FBN2: variants seen among roughly 807,000 people sequenced by gnomAD.
FBN2 encodes fibrillin 2.
A neutral mutation model predicts 355.6 loss-of-function variants in FBN2; 105 were observed. The ratio of observed to expected loss-of-function variants is 0.30; its 90% CI spans 0.25 to 0.35. The LOEUF (loss-of-function observed/expected upper bound fraction) is 0.35. Ranked by LOEUF, FBN2 falls within the 10% of genes least tolerant of loss-of-function variation. FBN2 has a pLI of 1.00. For synonymous variants in FBN2, 1,350 were observed against 1,301.2 expected, an observed-to-expected ratio of 1.04 and a Z score of -0.81; for missense variants, 3,280 against 3,758.7, an observed-to-expected ratio of 0.87 and a Z score of 3.33.
Position 128,473,199 on chromosome 5 carries a change from G to A in FBN2, c.629-8278C>T, listed in dbSNP as rs555556424. Among the ~76,000 whole-genome samples, 127 of 152,224 alleles carry A rather than the reference G, an allele frequency of 8.3e-4. 1 individual carries two copies. In the South Asian group the frequency reaches 0.017, roughly 21 times the overall value. On this transcript the variant is annotated intron_variant, in intron 5 of 64. Transcript: ENST00000262464. ...TACTGCAGAACTGCTCTCTAAATAG[G>A]TGGCACCAATTTACACTGTCATCAG... is the stretch of plus-strand genomic sequence containing the variant.
intron 25 of FBN2, among the ~76,000 whole-genome samples, chr5:128,340,029 T>C (rs1244091833): frequency 6.6e-6 from 1 of 152,198 alleles, no homozygotes; most frequent in East Asian, 1.9e-4. Context: ...GTAAATAATC[T>C]TCAGCAACTA....
At chr5:128,426,625 A>C (rs1470584600) in intron 7 of FBN2, among the ~76,000 whole-genome samples, 1 of 152,180 alleles carries the variant, frequency 6.6e-6, no homozygotes, top group Non-Finnish European at 1.5e-5. Flanking sequence ...TAACAAATCT[A>C]ACAGTCTAAT....
intron 5 of FBN2, among the ~76,000 whole-genome samples, chr5:128,465,297 C>T (rs1191542131): frequency 6.6e-6 from 1 of 152,166 alleles, no homozygotes; most frequent in African/African-American, 2.4e-5. Context: ...TCATGCTAGA[C>T]CTGCCATGTC....
rs375683270 is a variant in FBN2 at position 128,327,237 on chromosome 5, C to T, written c.4471+1459G>A. Among the ~76,000 whole-genome samples the T allele has an allele frequency of 1.3e-5, 2 of 152,198 alleles. 1 individual carries two copies. Among genetic ancestry groups the T allele is most frequent in the South Asian group, 4.1e-4 (2 of 4,832 alleles). ...TAGAAGCACGAACGCTTTCAGTTTC[C>T]AACTTCATCTTCCCTACGGCCAACT... On this transcript the variant is annotated intron_variant, in intron 34 of 64. Transcript: ENST00000262464.
At chr5:128,296,947 A>T (rs926344880) in intron 48 of FBN2, among the ~76,000 whole-genome samples, 6 of 151,606 alleles carry the variant, frequency 4.0e-5, no homozygotes, top group Admixed American at 1.3e-4. Flanking sequence ...CAATTTTGGA[A>T]CTTTCCTGCT....
chr5:128,434,603 T>C (rs1298040266), intron 7 of FBN2, among the ~76,000 whole-genome samples: 1 of 151,404 alleles, frequency 6.6e-6, no homozygotes, highest in Non-Finnish European at 1.5e-5. Flanking sequence ...TCTCTCTCTC[T>C]TCCTCCTACC....
intron 7 of FBN2, among the ~76,000 whole-genome samples, chr5:128,419,151 A>G (rs747686792): frequency 6.6e-6 from 1 of 152,236 alleles, no homozygotes; most frequent in Non-Finnish European, 1.5e-5. Flanking sequence ...CTTTGCTTAA[A>G]TCATTCATTG....
chr5:128,425,117 C>T (rs1753452887), intron 7 of FBN2, among the ~76,000 whole-genome samples: 1 of 151,328 alleles, frequency 6.6e-6, no homozygotes, highest in African/African-American at 2.4e-5. Context: ...AAATTTAAGA[C>T]ACATTAGGAC....
At chr5:128,438,985 C>T (rs1328910617) in intron 7 of FBN2, among the ~76,000 whole-genome samples, 1 of 152,118 alleles carries the variant, frequency 6.6e-6, no homozygotes, top group African/African-American at 2.4e-5. Context: ...CACACACACA[C>T]TTTTTAATAT....
At chr5:128,321,667 C>T (rs1750378814) in intron 34 of FBN2, among the ~76,000 whole-genome samples, 2 of 152,088 alleles carry the variant, frequency 1.3e-5, no homozygotes, top group Admixed American at 6.5e-5. Flanking sequence ...GTATATGTGC[C>T]ACATTTTCTT....
intron 7 of FBN2, among the ~76,000 whole-genome samples, chr5:128,409,902 G>A (rs1057222924): frequency 6.6e-6 from 1 of 151,990 alleles, no homozygotes; most frequent in Non-Finnish European, 1.5e-5. Flanking sequence ...AAAGAAAAAG[G>A]TTGCCAATGC....
Position 128,377,914 on chromosome 5 carries a change from A to G in FBN2, c.1724-37T>C, listed in dbSNP as rs758444242. ...GAGAATGGCCAAACATCATTCTTTT[A>G]CAATACTTATAGATAAACACAGTAA... On this transcript the variant is annotated intron_variant, in intron 12 of 64. Coordinates refer to ENST00000262464, the MANE Select transcript of FBN2 (RefSeq NM_001999.4). 1.9e-6 allele frequency: 3 copies of G among 1,579,976 alleles called. No individual in the cohort carries two copies. In the South Asian group the frequency reaches 3.3e-5, roughly 17 times the overall value.
intron 24 of FBN2, among the ~76,000 whole-genome samples, chr5:128,344,826 G>C (rs1228871827): frequency 6.6e-6 from 1 of 151,446 alleles, no homozygotes; most frequent in African/African-American, 2.4e-5. Flanking sequence ...TCAGCCTCCC[G>C]AGTAGCTGAG....
chr5:128,376,247 T>C lies in FBN2; in HGVS notation c.1972+484A>G, dbSNP rs559751416. 7.9e-5 allele frequency among the ~76,000 whole-genome samples: 12 copies of C among 152,290 alleles called. No individual in the cohort carries two copies. In the East Asian group the frequency reaches 2.1e-3, roughly 27 times the overall value. ...TAAACAAAATAATTAATTGAAATATTAAAATTATGTCTTCACTAAATCAAT... is the reference window on the plus strand; with the variant it reads ...TAAACAAAATAATTAATTGAAATATCAAAATTATGTCTTCACTAAATCAAT... On this transcript the variant is annotated intron_variant, in intron 14 of 64. Transcript: ENST00000262464.
intron 15 of FBN2, among the ~76,000 whole-genome samples, chr5:128,373,882 C>T (rs1337068644): frequency 6.6e-6 from 1 of 152,122 alleles, no homozygotes; most frequent in Non-Finnish European, 1.5e-5. Context: ...CTTGCTCATA[C>T]TTCTTTATAC....
chr5:128,382,273 CT>C (rs745809544), intron 11 of FBN2, among the ~76,000 whole-genome samples: 8 of 152,068 alleles, frequency 5.3e-5, no homozygotes, highest in Non-Finnish European at 8.8e-5. Flanking sequence ...CTACTTTTCT[CT>C]TGAAAGTGTG....
At chr5:128,270,510 C>G (rs987982132) in intron 62 of FBN2, among the ~76,000 whole-genome samples, 2 of 152,156 alleles carry the variant, frequency 1.3e-5, no homozygotes, top group African/African-American at 4.8e-5. Context: ...GCCTGGGCAA[C>G]AGGGCGAGAG....
chr5:128,434,394 G>GTGTATATATATA (rs377404948), intron 7 of FBN2, among the ~76,000 whole-genome samples: 6 of 91,680 alleles, frequency 6.5e-5, no homozygotes, highest in African/African-American at 1.8e-4. Flanking sequence ...AATAAAGTGT[G>GTGTATATATATA]TATATATATA....
chr5:128,369,514 T>A (rs1320737112), intron 15 of FBN2, among the ~76,000 whole-genome samples, 180 bp from the exon 16 acceptor site: 1 of 152,196 alleles, frequency 6.6e-6, no homozygotes, highest in Non-Finnish European at 1.5e-5. Flanking sequence ...GTTTTCTGAG[T>A]GAGGAAAAGA....
Sources: allele counts gnomAD v4.1 joint callset (sites outside exome capture counted in the v4.1 genomes callset), GRCh38; gene constraint gnomAD v4.1.1; transcripts MANE v1.5; gene names NCBI Gene and HGNC (gene_info 2026-07-23, HGNC 2026-07-21).